Variants in DMD observed in about 807,000 individuals in gnomAD.
DMD encodes dystrophin, also known as mutant dystrophin.
In DMD, 63 loss-of-function variants were observed where a neutral mutation model predicts 330.1. That is an observed-to-expected ratio of 0.19 (90% CI 0.16 to 0.24). The LOEUF (loss-of-function observed/expected upper bound fraction) is 0.24, where lower values mean the gene tolerates loss of function less well. Ranked by LOEUF, DMD falls within the 10% of genes least tolerant of loss-of-function variation. DMD has a pLI of 1.00. For missense variants in DMD, 3,344 were observed against 2,684.1 expected (o/e 1.25, Z -5.43); for synonymous variants, 1,223 against 959.8 (o/e 1.27, Z -5.07).
chrX:31,437,007 A>G (rs188228967), intron 60 of DMD, among the ~76,000 whole-genome samples: 375 of 112,009 alleles, frequency 3.3e-3, no homozygotes, highest in Non-Finnish European at 4.3e-3. Flanking sequence ...TGAAATATTT[A>G]CATAAGAGCA....
intron 4 of DMD, among the ~76,000 whole-genome samples, chrX:32,831,966 C>T (rs188624588): frequency 9.1e-6 from 1 of 110,487 alleles, no homozygotes; most frequent in Non-Finnish European, 1.9e-5. Flanking sequence ...CATTTCAGAG[C>T]TACAGGCTCT....
intron 45 of DMD, among the ~76,000 whole-genome samples, chrX:31,955,113 C>T (rs2095231601): frequency 9.1e-6 from 1 of 110,415 alleles, no homozygotes; most frequent in Non-Finnish European, 1.9e-5. Context: ...GAGATCAAGG[C>T]TGCAGTGAAC....
At chrX:32,209,480 G>A (rs955794942) in intron 44 of DMD, among the ~76,000 whole-genome samples, 8 of 111,355 alleles carry the variant, frequency 7.2e-5, no homozygotes, top group Non-Finnish European at 1.1e-4. Context: ...AAGAAAACAC[G>A]AAGATCAATA....
At chrX:33,262,341 A>G (rs1473992528) in intron 1 of DMD, among the ~76,000 whole-genome samples, 1 of 111,521 alleles carries the variant, frequency 9.0e-6, no homozygotes, top group Admixed American at 9.6e-5. Context: ...AAGATGGACA[A>G]TATTATACGA....
intron 2 of DMD, among the ~76,000 whole-genome samples, chrX:33,009,553 T>A (rs62644203): frequency 0.031 from 2,067 of 67,545 alleles, 112 homozygotes; most frequent in South Asian, 0.083. Flanking sequence ...TACACATATG[T>A]GTGTATGTGT....
intron 2 of DMD, among the ~76,000 whole-genome samples, chrX:32,899,172 G>A (rs1292959737): frequency 2.7e-5 from 3 of 112,215 alleles, no homozygotes; most frequent in Non-Finnish European, 5.6e-5. Context: ...ACTGGGCACA[G>A]GCGTGCCATT....
At chrX:32,790,487 G>C (rs763009398) in intron 7 of DMD, among the ~76,000 whole-genome samples, 53 of 111,680 alleles carry the variant, frequency 4.7e-4, no homozygotes, top group African/African-American at 1.6e-3. Flanking sequence ...ACAAACTCTA[G>C]AGTCCTAAGC....
chrX:31,188,763 C>G (rs1045431891), intron 67 of DMD, among the ~76,000 whole-genome samples: 4 of 111,741 alleles, frequency 3.6e-5, no homozygotes, highest in Non-Finnish European at 3.8e-5. Flanking sequence ...TCCTCACCTG[C>G]CAGCAACTAT....
At chrX:32,591,009 T>C (rs1241987351) in intron 13 of DMD, among the ~76,000 whole-genome samples, 1 of 111,666 alleles carries the variant, frequency 9.0e-6, no homozygotes, top group East Asian at 2.8e-4. Context: ...ATCCATTCTT[T>C]ATAATTATTT....
chrX:31,933,811 G>A (rs75827530), intron 45 of DMD, among the ~76,000 whole-genome samples: 5,980 of 111,223 alleles, frequency 0.054, 156 homozygotes, highest in East Asian at 0.15. Context: ...TTTGTGTCTC[G>A]CCTTTTTCAT....
chrX:32,888,850 G>A (rs756156028), intron 2 of DMD, among the ~76,000 whole-genome samples: 1 of 111,649 alleles, frequency 9.0e-6, no homozygotes, highest in Non-Finnish European at 1.9e-5. Flanking sequence ...CCTGTAATTG[G>A]GAACAATGTG....
chrX:32,098,999 G>A (rs1383307930), intron 44 of DMD, among the ~76,000 whole-genome samples: 1 of 111,942 alleles, frequency 8.9e-6, no homozygotes, highest in Non-Finnish European at 1.9e-5. Flanking sequence ...TGTGCATGTT[G>A]AGGGCTTAGG....
Position 32,595,758 on chromosome X carries a change from T to A in DMD, c.1601A>T (p.Lys534Met), listed in dbSNP as rs760874706. 1 of 1,210,845 alleles carries A rather than the reference T, an allele frequency of 8.3e-7. No homozygotes were observed. Among genetic ancestry groups the A allele is most frequent in the Non-Finnish European group, 1.1e-6 (1 of 894,609 alleles). The stretch of plus-strand genomic sequence containing the variant: ...GTTTACTAAGCAAAATAATCTGACC[T>A]TAAGTTGTTCTTCCAAAGCAGCAGT... Reference protein sequence around the residue: ...HATAALEEQLKVLGDRWANIC... With the variant: ...HATAALEEQLMVLGDRWANIC... The change falls in exon 13 of 79, where the codon AAG (lysine) becomes ATG (methionine). Residue 534 changes from lysine to methionine, a missense_variant and splice_region_variant. By Grantham distance (95) the Lys-to-Met change is moderately conservative. Transcript: ENST00000357033.
chrX:32,658,130 T>G (rs1240130041), intron 9 of DMD, among the ~76,000 whole-genome samples: 2 of 111,530 alleles, frequency 1.8e-5, no homozygotes, highest in African/African-American at 6.5e-5. Flanking sequence ...AACCTAAACA[T>G]AAATATTCCC....
intron 1 of DMD, among the ~76,000 whole-genome samples, chrX:33,158,717 T>G (rs1011873198): frequency 1.8e-5 from 2 of 111,603 alleles, no homozygotes; most frequent in African/African-American, 6.5e-5. Context: ...TAGCATCTGT[T>G]GCTCAGATAT....
intron 1 of DMD, among the ~76,000 whole-genome samples, chrX:33,086,140 G>A (rs183523572): frequency 9.0e-6 from 1 of 111,172 alleles, no homozygotes; most frequent in Admixed American, 9.6e-5. Flanking sequence ...ATTTACATAA[G>A]GAAAATATCC....
chrX:32,465,132 C>T (rs1406984305), intron 23 of DMD, among the ~76,000 whole-genome samples: 2 of 111,954 alleles, frequency 1.8e-5, no homozygotes, highest in Non-Finnish European at 3.8e-5. Context: ...CTACAGATGA[C>T]AGTTTAAATA....
chrX:33,253,253 G>A (rs773144275), intron 1 of DMD, among the ~76,000 whole-genome samples: 1 of 107,540 alleles, frequency 9.3e-6, no homozygotes, highest in African/African-American at 3.7e-5. Context: ...GTATATGTCA[G>A]GTACATACTG....
At chrX:32,721,276 A>G (rs1409118478) in intron 7 of DMD, among the ~76,000 whole-genome samples, 1 of 110,183 alleles carries the variant, frequency 9.1e-6, no homozygotes, top group Non-Finnish European at 1.9e-5. Context: ...TTGAGGAAAC[A>G]CTCCCAGACA....
Sources: allele counts gnomAD v4.1 joint callset (sites outside exome capture counted in the v4.1 genomes callset), GRCh38; gene constraint gnomAD v4.1.1; transcripts MANE v1.5; gene names NCBI Gene and HGNC (gene_info 2026-07-23, HGNC 2026-07-21).